The following NVL variants were observed in gnomAD, a reference collection of about 807,000 sequenced individuals.
NVL encodes the protein nuclear VCP like.
In NVL, 84 loss-of-function variants were observed where a neutral mutation model predicts 110.2. The observed-to-expected ratio is 0.76, with a 90% CI of 0.64 to 0.91. NVL has a LOEUF of 0.91. Among genes scored for constraint, NVL ranks in the 40% least tolerant of loss-of-function variants. The pLI is 0.00. For missense variants in NVL, 882 were observed against 1,035.9 expected (o/e 0.85, Z 2.04); for synonymous variants, 354 against 361.1 (o/e 0.98, Z 0.22).
Position 224,231,311 on chromosome 1 carries a change from C to A in NVL, c.2456-15G>T, listed in dbSNP as rs759349944. 3.2e-6 allele frequency: 5 copies of A among 1,582,518 alleles called. No homozygotes were observed. The highest frequency in any genetic ancestry group is 1.3e-5 in the African/African-American group (1 of 74,448). ...CTTGAGTTCACCTATGGAGTAAATGCACAAATATACACATCTCAGTATCGT... is the reference window on the plus strand; with the variant it reads ...CTTGAGTTCACCTATGGAGTAAATGAACAAATATACACATCTCAGTATCGT... On this transcript the variant is annotated splice_polypyrimidine_tract_variant and intron_variant, in intron 21 of 22. Transcript: ENST00000281701.
chr1:224,275,566 G>A, intron 16 of NVL, 108 bp from the exon 17 acceptor site: 3 of 1,390,830 alleles, frequency 2.2e-6, no homozygotes, highest in Non-Finnish European at 2.0e-6. Flanking sequence ...ATGTGTCAAA[G>A]TCCAGAAAGT....
At chr1:224,311,774 G>A (rs755947640) in intron 5 of NVL, 26 bp downstream of exon 5, 1 of 1,590,478 alleles carries the variant, frequency 6.3e-7, no homozygotes, top group Non-Finnish European at 8.6e-7. Flanking sequence ...AAAAATCTAA[G>A]TGGACCCACT....
chr1:224,242,831 T>TG (rs957264645), intron 19 of NVL, among the ~76,000 whole-genome samples: 8 of 150,872 alleles, frequency 5.3e-5, no homozygotes, highest in Non-Finnish European at 1.2e-4. Context: ...TGCTTGTTTT[T>TG]TTTTTTTTTT....
chr1:224,245,933 G>A (rs1661765469), intron 19 of NVL, among the ~76,000 whole-genome samples: 1 of 150,994 alleles, frequency 6.6e-6, no homozygotes, highest in African/African-American at 2.4e-5. Flanking sequence ...GACCTCTATT[G>A]AAATGTCTTT....
At position 224,317,088 on chromosome 1, in the gene NVL, G is replaced by A. The variant is rs554501571; in HGVS notation, c.284+606C>T. ...CGGGGGGCAGAGGTTGCAGTGAGCC[G>A]AGATGGTGCCACTGCACTCCAGCCT... On this transcript the variant is annotated intron_variant, in intron 4 of 22. Coordinates refer to ENST00000281701, the MANE Select transcript of NVL (RefSeq NM_002533.4). Among the ~76,000 whole-genome samples the A allele has an allele frequency of 5.4e-5, 8 of 149,210 alleles. No individual in the cohort carries two copies. The East Asian group carries it at 8.0e-4, about 15-fold the overall frequency.
chr1:224,238,726 G>C lies in NVL; in HGVS notation c.2290-2144C>G, dbSNP rs562784262. Among the ~76,000 whole-genome samples, 51 of 152,236 alleles carry C rather than the reference G, an allele frequency of 3.4e-4. 2 individuals are homozygous for C. In the South Asian group the frequency reaches 0.011, roughly 32 times the overall value. ...CTTTTAGTGTAAACAATTTTCAACCGAGTCAGGATAGTGGTCAATCCTGGG... is the reference window on the plus strand; with the variant it reads ...CTTTTAGTGTAAACAATTTTCAACCCAGTCAGGATAGTGGTCAATCCTGGG... On this transcript the variant is annotated intron_variant, in intron 19 of 22. Coordinates refer to ENST00000281701, the MANE Select transcript of NVL (RefSeq NM_002533.4).
At chr1:224,248,176 C>T (rs1050198520) in intron 19 of NVL, among the ~76,000 whole-genome samples, 1 of 152,212 alleles carries the variant, frequency 6.6e-6, no homozygotes, top group Admixed American at 6.6e-5. Flanking sequence ...ACCAGCTGCA[C>T]AAGCTGCAAA....
At chr1:224,287,079 T>C (rs1218724346) in intron 14 of NVL, among the ~76,000 whole-genome samples, 1 of 152,206 alleles carries the variant, frequency 6.6e-6, no homozygotes, top group Non-Finnish European at 1.5e-5. Flanking sequence ...AATGGAATAT[T>C]ATTCAGCCAC....
At chr1:224,329,563 A>G (rs1202635664) in intron 1 of NVL, among the ~76,000 whole-genome samples, 1 of 152,162 alleles carries the variant, frequency 6.6e-6, no homozygotes, top group Non-Finnish European at 1.5e-5. Flanking sequence ...TTTGCCACAC[A>G]CTGCTTTTTA....
intron 19 of NVL, among the ~76,000 whole-genome samples, chr1:224,240,837 C>A (rs1193939051): frequency 7.7e-6 from 1 of 129,700 alleles, no homozygotes; most frequent in Admixed American, 9.3e-5. Flanking sequence ...GTGGCCCAGG[C>A]TGGAGTGTGA....
At chr1:224,302,496 C>T (rs999741064) in intron 9 of NVL, among the ~76,000 whole-genome samples, 1 of 152,138 alleles carries the variant, frequency 6.6e-6, no homozygotes, top group South Asian at 2.1e-4. Flanking sequence ...CCACTGCGCC[C>T]GGCGAGCATG....
At chr1:224,310,177 G>A (rs563671626) in intron 5 of NVL, among the ~76,000 whole-genome samples, 53 of 85,438 alleles carry the variant, frequency 6.2e-4, no homozygotes, top group African/African-American at 1.9e-3. Context: ...AGACTCCCTC[G>A]CAAAAAAAAA....
At chr1:224,278,648 CA>C (rs999008590) in intron 16 of NVL, among the ~76,000 whole-genome samples, 8 of 152,018 alleles carry the variant, frequency 5.3e-5, no homozygotes, top group African/African-American at 1.9e-4. Flanking sequence ...ACCAGACTGG[CA>C]AAAATGAAAA....
chr1:224,319,978 CTA>C (rs1382311738), intron 2 of NVL, among the ~76,000 whole-genome samples: 61 of 151,960 alleles, frequency 4.0e-4, no homozygotes, highest in African/African-American at 1.1e-3. Context: ...GAGGGATATT[CTA>C]TATAGTAACT....
intron 18 of NVL, among the ~76,000 whole-genome samples, chr1:224,257,373 A>G (rs1173383981): frequency 1.3e-5 from 2 of 152,226 alleles, no homozygotes; most frequent in Non-Finnish European, 2.9e-5. Context: ...ATTGAGAGGT[A>G]ACAGTAGCAA....
At chr1:224,285,163 G>A (rs1203383101) in intron 15 of NVL, among the ~76,000 whole-genome samples, 1 of 152,166 alleles carries the variant, frequency 6.6e-6, no homozygotes, top group African/African-American at 2.4e-5. Context: ...GTGGCTGGGG[G>A]TGGTGGCTCA....
intron 10 of NVL, 71 bp downstream of exon 10, chr1:224,300,487 GCATC>G (rs2102683413): frequency 9.9e-7 from 1 of 1,013,648 alleles, no homozygotes; most frequent in African/African-American, 1.6e-5. Context: ...ACAAATACTA[GCATC>G]AGAAAAAGCA....
chr1:224,298,308 CT>C (rs1668069591), intron 10 of NVL: 1 of 265,178 alleles, frequency 3.8e-6, no homozygotes, highest in Non-Finnish European at 7.2e-6. Flanking sequence ...CACCACAAAA[CT>C]GGAAGAGTCT....
chr1:224,238,146 A>ACCTCAG (rs1660730112), intron 19 of NVL, among the ~76,000 whole-genome samples: 1 of 150,370 alleles, frequency 6.7e-6, no homozygotes. Context: ...CCATCCTCCC[A>ACCTCAG]CCTCAGCCTC....
Sources: allele counts gnomAD v4.1 joint callset (sites outside exome capture counted in the v4.1 genomes callset), GRCh38; gene constraint gnomAD v4.1.1; transcripts MANE v1.5; gene names NCBI Gene and HGNC (gene_info 2026-07-23, HGNC 2026-07-21).